The following SRRM2 variants were observed in gnomAD, a reference collection of about 807,000 sequenced individuals.
SRRM2 encodes serine/arginine repetitive matrix protein 2.
A neutral mutation model predicts 213.8 loss-of-function variants in SRRM2; 30 were observed. The observed-to-expected ratio is 0.14, with a 90% confidence interval of 0.10 to 0.19. SRRM2 has a LOEUF of 0.19. SRRM2 is among the 10% of genes least tolerant of loss of function. SRRM2 has a pLI of 1.00. For synonymous variants in SRRM2, 2,025 were observed against 1,377.7 expected, an observed-to-expected ratio of 1.47 and a Z score of -10.40; for missense variants, 4,904 against 3,647.0, an observed-to-expected ratio of 1.34 and a Z score of -8.88.
At chr16:2,755,024 C>G (rs1176119155) in intron 1 of SRRM2, among the ~76,000 whole-genome samples, 6 of 152,298 alleles carry the variant, frequency 3.9e-5, no homozygotes, top group Non-Finnish European at 8.8e-5. Flanking sequence ...CCCTTCTATC[C>G]AGTTCTTTTA....
chr16:2,770,220 G>A (rs1403801221), intron 12 of SRRM2, 132 bp from the exon 13 acceptor site: 19 of 1,452,600 alleles, frequency 1.3e-5, no homozygotes, highest in Non-Finnish European at 1.7e-5. Context: ...GTGAGTGAGC[G>A]GACAAAGGTG....
chr16:2,753,165 G>T (rs1459190424), intron 1 of SRRM2, among the ~76,000 whole-genome samples: 1 of 152,012 alleles, frequency 6.6e-6, no homozygotes, highest in South Asian at 2.1e-4. Context: ...TGCCGCCGAG[G>T]TGGCCTTCCT....
At position 2,762,042 on chromosome 16, in the gene SRRM2, A is replaced by G. The variant is rs2068370032; in HGVS notation, c.1514A>G (p.His505Arg). Reference sequence around the variant, plus strand: ...TCTCGAACCCCTACCAAGAGAGGTCATTCTCGATCCCGATCTCCCCAGTGG... The same window carrying G: ...TCTCGAACCCCTACCAAGAGAGGTCGTTCTCGATCCCGATCTCCCCAGTGG... ...SRSRTPTKRG[H>R]SRSRSPQWRR... The change falls in exon 11 of 15, where the codon CAT becomes CGT. Residue 505 changes from histidine (H) to arginine (R), a missense_variant. Coordinates refer to ENST00000301740, the MANE Select transcript of SRRM2 (RefSeq NM_016333.4). 1.9e-6 allele frequency: 3 copies of G among 1,614,112 alleles called. No homozygotes were observed. The highest frequency in any genetic ancestry group is 2.7e-5 in the African/African-American group (2 of 74,930).
chr16:2,755,097 C>T (rs956527299), intron 1 of SRRM2, among the ~76,000 whole-genome samples: 1 of 152,140 alleles, frequency 6.6e-6, no homozygotes, highest in Non-Finnish European at 1.5e-5. Flanking sequence ...AGTATTTTCT[C>T]ATATATGCAT....
intron 10 of SRRM2, chr16:2,760,777 C>CT: frequency 2.6e-6 from 1 of 389,362 alleles, no homozygotes; most frequent in Non-Finnish European, 4.8e-6. Flanking sequence ...TGTATCTTAT[C>CT]TGTGTACTCC....
intron 1 of SRRM2, among the ~76,000 whole-genome samples, chr16:2,754,539 C>G (rs2068073991): frequency 6.6e-6 from 1 of 152,180 alleles, no homozygotes; most frequent in Non-Finnish European, 1.5e-5. Flanking sequence ...ATCCGCCCAC[C>G]TCGGCCTCCC....
At position 2,770,585 on chromosome 16, in the gene SRRM2, T is replaced by G; in HGVS notation, c.8136-19T>G. On this transcript the variant is annotated intron_variant, in intron 13 of 14. Transcript: ENST00000301740. The stretch of plus-strand genomic sequence containing the variant: ...GAGGTGGTGCCACCCTGTGGCCTGA[T>G]GTCTGTCCTGTGTTGCAGCAGCAGC... 6.4e-7 allele frequency: 1 copy of G among 1,552,940 alleles called. No homozygotes were observed. Among genetic ancestry groups the G allele is most frequent in the South Asian group, 1.2e-5 (1 of 84,364 alleles).
chr16:2,769,981 A>G (rs1248389053), intron 12 of SRRM2: 4 of 472,826 alleles, frequency 8.5e-6, no homozygotes, highest in South Asian at 5.6e-5. Flanking sequence ...CGCTCAAAAC[A>G]GCACCTTCGA....
Position 2,764,543 on chromosome 16 carries a change from C to T in SRRM2, c.4015C>T (p.Leu1339Phe). Reference protein sequence around the residue: ...SPLEFRNSGPLGTEMNTGFSS... With the variant: ...SPLEFRNSGPFGTEMNTGFSS... Reference sequence around the variant, plus strand: ...TTTAGAATTTAGAAACTCAGGCCCACTTGGTACAGAAATGAATACTGGATT... The same window carrying T: ...TTTAGAATTTAGAAACTCAGGCCCATTTGGTACAGAAATGAATACTGGATT... Residue 1339 changes from leucine to phenylalanine, a missense_variant, in exon 11 of 15, where the codon CTT becomes TTT. Physicochemically the swap from Leu to Phe is conservative, Grantham distance 22. Transcript: ENST00000301740. 1 of 1,614,206 alleles carries T rather than the reference C, an allele frequency of 6.2e-7. No homozygotes were observed. The highest frequency in any genetic ancestry group is 8.5e-7 in the Non-Finnish European group (1 of 1,180,044).
chr16:2,764,966 T>G lies in SRRM2; in HGVS notation c.4438T>G (p.Cys1480Gly), dbSNP rs1395738733. The G allele has an allele frequency of 6.2e-7, 1 of 1,614,094 alleles. No individual in the cohort carries two copies. The highest frequency in any genetic ancestry group is 2.2e-5 in the East Asian group (1 of 44,872). Reference protein sequence around the residue: ...PRTPSRGRSECDSSPEPKALP... With the variant: ...PRTPSRGRSEGDSSPEPKALP... The stretch of plus-strand genomic sequence containing the variant: ...AACGCCATCTAGAGGGAGAAGCGAA[T>G]GTGATTCTTCCCCAGAACCGAAAGC... The change falls in exon 11 of 15, where the codon TGT becomes GGT. Residue 1480 changes from cysteine to glycine, a missense_variant. Transcript: ENST00000301740.
rs1485068050 is a variant in SRRM2, at chr16:2,765,159, A to T, written c.4631A>T (p.Glu1544Val). Residue 1544 changes from glutamate to valine, a missense_variant, in exon 11 of 15, where the codon GAA (glutamate) becomes GTA (valine). Coordinates refer to ENST00000301740, the MANE Select transcript of SRRM2 (RefSeq NM_016333.4). ...AGAAGTCGTTCGGGATCCTCTCAAG[A>T]ACTTGATGTGAAACCCAGTGCATCC... ...GQRSRSGSSQ[E>V]LDVKPSASPQ... 6.2e-7 allele frequency: 1 copy of T among 1,614,066 alleles called. No individual in the cohort carries two copies. The highest frequency in any genetic ancestry group is 8.5e-7 in the Non-Finnish European group (1 of 1,180,034).
Position 2,761,546 on chromosome 16 carries a change from C to T in SRRM2, c.1033-15C>T. ...GTTTATGAATCCCTATCCCTGCTCT[C>T]TCTTCCACTCTTAGAAATCTGCAAC... On this transcript the variant is annotated splice_polypyrimidine_tract_variant and intron_variant, in intron 10 of 14. Transcript: ENST00000301740. The T allele has an allele frequency of 6.7e-7, 1 of 1,493,822 alleles. No homozygotes were observed. The allele number at this position is 1,493,822 out of a possible 1,614,324, so 92.5% of individuals were successfully genotyped here. A position where few individuals can be genotyped will look rare whatever the true frequency, so the allele number is the denominator to read the frequency against.
At position 2,767,136 on chromosome 16, in the gene SRRM2, G is replaced by T; in HGVS notation, c.6608G>T (p.Gly2203Val). 1 of 1,614,174 alleles carries T rather than the reference G, an allele frequency of 6.2e-7. No homozygotes were observed. Among genetic ancestry groups the T allele is most frequent in the Non-Finnish European group, 8.5e-7 (1 of 1,180,024 alleles). ...ARPPPSMSAA[G>V]LAARMSQVPA... is the part of the protein sequence containing the mutation. ...CCTCCTCCGTCCATGTCTGCTGCTG[G>T]CCTTGCTGCAAGAATGTCCCAGGTT... The change falls in exon 11 of 15, where the codon GGC (glycine) becomes GTC (valine). Residue 2203 changes from glycine (G) to valine (V), a missense_variant. Gly to Val is a moderately radical substitution (Grantham distance 109). Coordinates refer to ENST00000301740, the MANE Select transcript of SRRM2 (RefSeq NM_016333.4).
chr16:2,763,098 G>A lies in SRRM2; in HGVS notation c.2570G>A (p.Ser857Asn), dbSNP rs1253529524. ...CCACCGAGGCAAGGGTCCATAACAA[G>A]TCCCCAGGCCAATGAGCAATCTGTA... is the stretch of plus-strand genomic sequence containing the variant. ...GTPPRQGSIT[S>N]PQANEQSVTP... Residue 857 changes from serine (S) to asparagine (N), a missense_variant, in exon 11 of 15, where the codon AGT becomes AAT. Transcript: ENST00000301740. 1.9e-6 allele frequency: 3 copies of A among 1,614,072 alleles called. No individual in the cohort carries two copies. The highest frequency in any genetic ancestry group is 1.7e-6 in the Non-Finnish European group (2 of 1,180,012).
chr16:2,771,243 G>A lies in SRRM2; in HGVS notation c.*376G>A. On this transcript the variant is annotated 3_prime_UTR_variant, in exon 15 of 15. Transcript: ENST00000301740. Reference sequence around the variant, plus strand: ...GTTGGGACTGGAGGTTGTATAAGGTGTTCTTGGAAGGAAGGGGCAGGAGTT... The same window carrying A: ...GTTGGGACTGGAGGTTGTATAAGGTATTCTTGGAAGGAAGGGGCAGGAGTT... 2.8e-6 allele frequency: 2 copies of A among 716,458 alleles called. No homozygotes were observed. The highest frequency in any genetic ancestry group is 2.2e-5 in the Admixed American group (1 of 45,214). 44.4% of individuals were successfully genotyped at this position (716,458 alleles called of 1,614,324 possible). A position where few individuals can be genotyped will look rare whatever the true frequency, so the allele number is the denominator to read the frequency against.
chr16:2,752,754 G>A lies in SRRM2; in HGVS notation c.-124G>A, dbSNP rs1219831465. On this transcript the variant is annotated 5_prime_UTR_variant, in exon 1 of 15. Coordinates refer to ENST00000301740, the MANE Select transcript of SRRM2 (RefSeq NM_016333.4). ...GCTGAGGCGGGCGGACCGGCGAGGC[G>A]AGGCGGCGGCCCCAGGCCCGAGGGA... 1 of 360,070 alleles carries A rather than the reference G, an allele frequency of 2.8e-6. No homozygotes were observed. Among genetic ancestry groups the A allele is most frequent in the South Asian group, 1.9e-5 (1 of 53,676 alleles). The allele number at this position is 360,070 out of a possible 1,614,324, so 22.3% of individuals were successfully genotyped here. A position where few individuals can be genotyped will look rare whatever the true frequency, so the allele number is the denominator to read the frequency against.
At chr16:2,756,634 C>A in intron 2 of SRRM2, 28 bp downstream of exon 2, 1 of 1,596,772 alleles carries the variant, frequency 6.3e-7, no homozygotes, top group South Asian at 1.1e-5. Context: ...GAGAGTCAAG[C>A]ACTGAATGAG....
In SRRM2 at chr16:2,764,046, A is replaced by G. The variant is rs780747840; in HGVS notation, c.3518A>G (p.Gln1173Arg). The change falls in exon 11 of 15, where the codon CAG becomes CGG. Residue 1173 changes from glutamine to arginine, a missense_variant. Gln to Arg is a conservative substitution (Grantham distance 43). Transcript: ENST00000301740. ...AAAGAGAAAATGGCCTTACCCCCTC[A>G]GGAGGATGCTACTGCATCACCTCCT... Reference protein sequence around the residue: ...ESKEKMALPPQEDATASPPRQ... With the variant: ...ESKEKMALPPREDATASPPRQ... The G allele has an allele frequency of 9.3e-6, 15 of 1,614,052 alleles. No homozygotes were observed. Among genetic ancestry groups the G allele is most frequent in the Middle Eastern group, 1.6e-4 (1 of 6,084 alleles).
At chr16:2,768,355 G>C (rs951120934) in intron 11 of SRRM2, 94 bp downstream of exon 11, 2 of 1,402,492 alleles carry the variant, frequency 1.4e-6, no homozygotes, top group Non-Finnish European at 1.9e-6. Flanking sequence ...CAGGTGCTTG[G>C]CTCTTGGAGG....
Sources: allele counts gnomAD v4.1 joint callset (sites outside exome capture counted in the v4.1 genomes callset), GRCh38; gene constraint gnomAD v4.1.1; transcripts MANE v1.5; gene names NCBI Gene and HGNC (gene_info 2026-07-23, HGNC 2026-07-21).